ZNF680: variants seen among roughly 807,000 people sequenced by gnomAD.
ZNF680 encodes the protein zinc finger protein 680, also known as hypothetical protein FLJ90430.
In ZNF680, 6 loss-of-function variants were observed where a neutral mutation model predicts 12.1. The observed-to-expected ratio is 0.49, with a 90% CI of 0.27 to 0.98. The LOEUF is 0.98. Ranked by LOEUF, ZNF680 falls within the 50% of genes least tolerant of loss-of-function variation. The pLI is 0.12. For missense variants in ZNF680, 561 were observed against 616.3 expected (o/e 0.91, Z 0.95); for synonymous variants, 170 against 199.3 (o/e 0.85, Z 1.24).
intron 3 of ZNF680, among the ~76,000 whole-genome samples, chr7:64,538,506 G>A (rs1221633858): frequency 1.3e-5 from 2 of 152,054 alleles, no homozygotes; most frequent in African/African-American, 4.8e-5. Flanking sequence ...GCATTTGAAA[G>A]GATACACAAA....
At chr7:64,526,710 A>G (rs1424675057) in intron 3 of ZNF680, among the ~76,000 whole-genome samples, 2 of 152,214 alleles carry the variant, frequency 1.3e-5, no homozygotes, top group African/African-American at 4.8e-5. Context: ...GAAACTAAAA[A>G]TAAGTCTGCA....
At chr7:64,504,832 G>C in the ZNF680 span, among the ~76,000 whole-genome samples, 1 of 152,084 alleles carries the variant, frequency 6.6e-6, no homozygotes, top group Non-Finnish European at 1.5e-5. Context: ...ACAAGTTTTT[G>C]GCAGCTAATG....
At chr7:64,505,230 A>G in the ZNF680 span, among the ~76,000 whole-genome samples, 58 of 152,364 alleles carry the variant, frequency 3.8e-4, no homozygotes, top group Admixed American at 3.5e-3. Flanking sequence ...ATTTTATTCT[A>G]CTTCAAATGT....
intron 3 of ZNF680, chr7:64,526,466 A>T (rs1653317266): frequency 7.7e-7 from 1 of 1,306,794 alleles, no homozygotes; most frequent in Admixed American, 2.2e-5. Flanking sequence ...CAAGGCAGTA[A>T]GATAACTTGA....
At chr7:64,534,666 T>C (rs1016591098) in intron 3 of ZNF680, among the ~76,000 whole-genome samples, 10 of 152,204 alleles carry the variant, frequency 6.6e-5, no homozygotes, top group African/African-American at 2.4e-4. Flanking sequence ...ATTGGGTATC[T>C]ACCCACAGGA....
At chr7:64,523,819 G>A (rs1419472645) in intron 3 of ZNF680, among the ~76,000 whole-genome samples, 31 of 151,958 alleles carry the variant, frequency 2.0e-4, no homozygotes, top group African/African-American at 5.1e-4. Flanking sequence ...AGGCTGAGGC[G>A]GGAGAATGGT....
At chr7:64,541,881 T>C (rs2116481182) in intron 3 of ZNF680, among the ~76,000 whole-genome samples, 1 of 152,260 alleles carries the variant, frequency 6.6e-6, no homozygotes, top group Non-Finnish European at 1.5e-5. Flanking sequence ...ATGACTCAGT[T>C]CCAGCTCCCT....
Position 64,520,336 on chromosome 7 carries a change from A to G in ZNF680, c.*825T>C, listed in dbSNP as rs912376318. 14 of 151,904 alleles carry G rather than the reference A, an allele frequency of 9.2e-5. No individual in the cohort carries two copies. Among genetic ancestry groups the G allele is most frequent in the African/African-American group, 2.9e-4 (12 of 41,544 alleles). 9.4% of individuals were successfully genotyped at this position (151,904 alleles called of 1,614,324 possible). Reference sequence around the variant, plus strand: ...TCAAATAAGCCATAATTTTTTCAAGAAAAAAAGTATACTTTCAATGTAATT... The same window carrying G: ...TCAAATAAGCCATAATTTTTTCAAGGAAAAAAGTATACTTTCAATGTAATT... On this transcript the variant is annotated 3_prime_UTR_variant, in exon 4 of 4. Coordinates refer to ENST00000309683, the MANE Select transcript of ZNF680 (RefSeq NM_178558.5).
At position 64,521,047 on chromosome 7, in the gene ZNF680, A is replaced by G. The variant is rs10243731; in HGVS notation, c.*114T>C. 0.28 allele frequency: 324,923 copies of G among 1,174,356 alleles called. 48,776 individuals carry two copies. Among genetic ancestry groups the G allele is most frequent in the African/African-American group, 0.43 (27,999 of 64,886 alleles). The allele number at this position is 1,174,356 out of a possible 1,614,324, so 72.7% of individuals were successfully genotyped here. Reference sequence around the variant, plus strand: ...TCTTTACACTTATAAAGTTTTCTCCAATATAAATTATCTTACCTACAAGCA... The same window carrying G: ...TCTTTACACTTATAAAGTTTTCTCCGATATAAATTATCTTACCTACAAGCA... On this transcript the variant is annotated 3_prime_UTR_variant, in exon 4 of 4. Coordinates refer to ENST00000309683, the MANE Select transcript of ZNF680 (RefSeq NM_178558.5).
At chr7:64,555,749 TAA>T (rs34199849) in intron 1 of ZNF680, among the ~76,000 whole-genome samples, 60,409 of 147,228 alleles carry the variant, frequency 0.41, 13,628 homozygotes, top group African/African-American at 0.61. Flanking sequence ...TATATATATA[TAA>T]AATAAGATAA....
chr7:64,526,322 A>AT, intron 3 of ZNF680: 2 of 1,201,314 alleles, frequency 1.7e-6, no homozygotes, highest in Non-Finnish European at 2.1e-6. Flanking sequence ...TTAAAAACAG[A>AT]TAAAAATAAA....
Position 64,557,575 on chromosome 7 carries a change from A to C in ZNF680, c.30+5350T>G, listed in dbSNP as rs552607137. 1.9e-3 allele frequency among the ~76,000 whole-genome samples: 281 copies of C among 151,752 alleles called. 1 individual carries two copies. The East Asian group carries it at 0.021, about 11-fold the overall frequency. Reference sequence around the variant, plus strand: ...GTCTCAAAAAAACAAAAAAACAAAAAAAAACAAAACAAAAAAAAACTTACC... The same window carrying C: ...GTCTCAAAAAAACAAAAAAACAAAACAAAACAAAACAAAAAAAAACTTACC... On this transcript the variant is annotated intron_variant, in intron 1 of 3. Coordinates refer to ENST00000309683, the MANE Select transcript of ZNF680 (RefSeq NM_178558.5).
rs75828339 is a variant in ZNF680, at chr7:64,542,352, G to A, written c.253+1355C>T. On this transcript the variant is annotated intron_variant, in intron 3 of 3. Transcript: ENST00000309683. ...ACTGTAAATACTTTATTTTAACATA[G>A]AACTGCAAGTATGTGGCAGAAAAAT... Among the ~76,000 whole-genome samples the A allele has an allele frequency of 0.031, 4,676 of 152,132 alleles. 359 individuals are homozygous for A. The East Asian group carries it at 0.33, about 11-fold the overall frequency.
chr7:64,562,968 C>T lies in ZNF680; in HGVS notation c.-14G>A, dbSNP rs1337439407. The stretch of plus-strand genomic sequence containing the variant: ...TGGTCCTGGCATCTTAGCTGTGCAT[C>T]TCCCAATACCTGCAGATAACGGAGT... On this transcript the variant is annotated 5_prime_UTR_variant, in exon 1 of 4. Transcript: ENST00000309683. 6.2e-7 allele frequency: 1 copy of T among 1,613,522 alleles called. No homozygotes were observed. Among genetic ancestry groups the T allele is most frequent in the East Asian group, 2.2e-5 (1 of 44,852 alleles).
chr7:64,553,301 A>T (rs1245393792), intron 1 of ZNF680, among the ~76,000 whole-genome samples: 4 of 152,200 alleles, frequency 2.6e-5, no homozygotes, highest in African/African-American at 9.6e-5. Flanking sequence ...ATTTACATAT[A>T]TTTCAATAAA....
In ZNF680 at chr7:64,521,041, T is replaced by G; in HGVS notation, c.*120A>C. 1 of 1,127,934 alleles carries G rather than the reference T, an allele frequency of 8.9e-7. No homozygotes were observed. The highest frequency in any genetic ancestry group is 1.2e-6 in the Non-Finnish European group (1 of 800,634). The allele number at this position is 1,127,934 out of a possible 1,614,324, so 69.9% of individuals were successfully genotyped here. A position where few individuals can be genotyped will look rare whatever the true frequency, so the allele number is the denominator to read the frequency against. On this transcript the variant is annotated 3_prime_UTR_variant, in exon 4 of 4. Transcript: ENST00000309683. The stretch of plus-strand genomic sequence containing the variant: ...TCACATTCTTTACACTTATAAAGTT[T>G]TCTCCAATATAAATTATCTTACCTA...
chr7:64,537,558 T>C (rs1343665812), intron 3 of ZNF680, among the ~76,000 whole-genome samples: 1 of 152,148 alleles, frequency 6.6e-6, no homozygotes, highest in African/African-American at 2.4e-5. Flanking sequence ...TTATACTTCC[T>C]GATTGAAAAA....
chr7:64,501,248 T>TTCC, the ZNF680 span: 10 of 896,528 alleles, frequency 1.1e-5, no homozygotes, highest in Admixed American at 8.6e-5. Flanking sequence ...CCAGCACATT[T>TTCC]TCCTCCTCCT....
the ZNF680 span, among the ~76,000 whole-genome samples, chr7:64,505,199 G>GA: frequency 6.6e-6 from 1 of 152,142 alleles, no homozygotes; most frequent in Non-Finnish European, 1.5e-5. Flanking sequence ...CCAAGCCATT[G>GA]AAAAAATGTG....
Sources: gnomAD v4.1 joint callset for allele counts (sites outside exome capture counted in the v4.1 genomes callset) on GRCh38, gnomAD v4.1.1 for gene constraint, MANE v1.5 for transcripts, NCBI Gene and HGNC (gene_info 2026-07-23, HGNC 2026-07-21) for gene names.